Variants in DNAH14 observed in about 807,000 individuals in gnomAD.
The protein encoded by DNAH14 is axonemal beta dynein heavy chain 14.
Under a neutral mutation model 520.9 loss-of-function variants are expected in DNAH14, and 478 were observed. That is an observed-to-expected ratio of 0.92 (90% CI 0.85 to 0.99). The LOEUF (loss-of-function observed/expected upper bound fraction) is 0.99, where lower values mean the gene tolerates loss of function less well. DNAH14 is among the 50% of genes least tolerant of loss of function. The pLI, the probability that DNAH14 is intolerant of heterozygous loss-of-function variation, is 0.00. For synonymous variants in DNAH14, 1,581 were observed against 1,757.2 expected (o/e 0.90, Z 2.51); for missense variants, 4,831 against 5,234.5 (o/e 0.92, Z 2.38).
chr1:224,987,669 C>T (rs533183814), intron 8 of DNAH14, among the ~76,000 whole-genome samples: 8 of 152,260 alleles, frequency 5.3e-5, no homozygotes, highest in South Asian at 2.1e-4. Context: ...CACTGTCACC[C>T]GGGCTGGTGT....
At chr1:225,155,271 C>G (rs2080913339) in intron 34 of DNAH14, among the ~76,000 whole-genome samples, 2 of 151,938 alleles carry the variant, frequency 1.3e-5, no homozygotes, top group South Asian at 4.2e-4. Context: ...GAATATGTTG[C>G]AAAAGGATCT....
intron 41 of DNAH14, among the ~76,000 whole-genome samples, chr1:225,213,045 T>A (rs190632578): frequency 3.5e-4 from 53 of 152,352 alleles, no homozygotes; most frequent in Middle Eastern, 3.4e-3. Context: ...GTTTTAGGTC[T>A]AACATTTAAG....
chr1:225,271,633 G>A (rs1314988382), intron 50 of DNAH14, among the ~76,000 whole-genome samples: 1 of 152,154 alleles, frequency 6.6e-6, no homozygotes, highest in East Asian at 1.9e-4. Flanking sequence ...TATATACAGA[G>A]GTGAAGCATA....
intron 7 of DNAH14, among the ~76,000 whole-genome samples, chr1:224,970,242 G>A (rs992164022): frequency 2.0e-5 from 3 of 152,044 alleles, no homozygotes; most frequent in African/African-American, 4.8e-5. Context: ...GTCCCGTAAC[G>A]CTCCCAGGCT....
intron 1 of DNAH14, among the ~76,000 whole-genome samples, chr1:224,945,257 G>T (rs1185593276): frequency 6.6e-6 from 1 of 151,546 alleles, no homozygotes; most frequent in Non-Finnish European, 1.5e-5. Context: ...CTTCCATCAC[G>T]GATACTCTTC....
intron 78 of DNAH14, among the ~76,000 whole-genome samples, chr1:225,375,193 T>C (rs977211800): frequency 1.3e-5 from 2 of 152,188 alleles, no homozygotes; most frequent in African/African-American, 4.8e-5. Flanking sequence ...ATGTTTCTCA[T>C]TTAATGCTCA....
intron 76 of DNAH14, among the ~76,000 whole-genome samples, chr1:225,365,236 C>A (rs537463484): frequency 6.6e-6 from 1 of 152,286 alleles, no homozygotes; most frequent in South Asian, 2.1e-4. Flanking sequence ...ATTATTAATT[C>A]TCTAGAAAGG....
At chr1:224,941,391 T>C (rs1198814276) in intron 1 of DNAH14, among the ~76,000 whole-genome samples, 4 of 152,210 alleles carry the variant, frequency 2.6e-5, no homozygotes, top group African/African-American at 9.6e-5. Flanking sequence ...GTAAATTTGT[T>C]TGACTTCATT....
rs1487451101 is a variant in DNAH14 at position 225,007,407 on chromosome 1, A to G, written c.976-6A>G. ...TAACACTGAACATTTACTATCATCT[A>G]ATTAGCTGGATAGTTCTCGAACATA... On this transcript the variant is annotated splice_region_variant and splice_polypyrimidine_tract_variant and intron_variant, in intron 9 of 85. Coordinates refer to ENST00000682510, the MANE Select transcript of DNAH14 (RefSeq NM_001367479.1). 3.3e-6 allele frequency: 5 copies of G among 1,514,964 alleles called. No homozygotes were observed. The highest frequency in any genetic ancestry group is 2.2e-5 in the Admixed American group (1 of 46,230). The allele number at this position is 1,514,964 out of a possible 1,614,324, so 93.8% of individuals were successfully genotyped here.
intron 8 of DNAH14, among the ~76,000 whole-genome samples, chr1:224,984,817 A>G (rs1468713375): frequency 6.6e-6 from 1 of 152,230 alleles, no homozygotes; most frequent in Non-Finnish European, 1.5e-5. Context: ...GGACATAAAT[A>G]GAAAATTCTC....
At chr1:225,010,505 T>C (rs572018976) in intron 10 of DNAH14, among the ~76,000 whole-genome samples, 1 of 152,300 alleles carries the variant, frequency 6.6e-6, no homozygotes, top group East Asian at 1.9e-4. Context: ...GCCAATATTT[T>C]ATTGAGGATT....
At chr1:224,960,049 A>G in intron 3 of DNAH14, 104 bp from the exon 4 acceptor site, 1 of 1,162,216 alleles carries the variant, frequency 8.6e-7, no homozygotes. Context: ...ACCATGCTAT[A>G]CTGCCTTATA....
At chr1:225,006,346 A>G (rs933296458) in intron 9 of DNAH14, among the ~76,000 whole-genome samples, 1 of 152,216 alleles carries the variant, frequency 6.6e-6, no homozygotes, top group East Asian at 1.9e-4. Context: ...AATGATTTTC[A>G]GGAAACAAGG....
chr1:225,061,205 C>T (rs900901529), intron 17 of DNAH14, among the ~76,000 whole-genome samples: 19 of 152,298 alleles, frequency 1.2e-4, no homozygotes, highest in Non-Finnish European at 1.9e-4. Flanking sequence ...ACTCAAGCCT[C>T]GGCAATGGCA....
At chr1:224,984,077 A>G (rs2062455463) in intron 8 of DNAH14, among the ~76,000 whole-genome samples, 1 of 152,214 alleles carries the variant, frequency 6.6e-6, no homozygotes, top group African/African-American at 2.4e-5. Context: ...AAGAGTCTGC[A>G]TAGCCAAAGC....
intron 83 of DNAH14, among the ~76,000 whole-genome samples, chr1:225,391,122 G>A (rs2095905160): frequency 6.6e-6 from 1 of 152,214 alleles, no homozygotes; most frequent in South Asian, 2.1e-4. Flanking sequence ...GGAGAATGAT[G>A]CCGCTGCAAA....
chr1:225,019,996 A>T (rs1327372694), intron 10 of DNAH14, among the ~76,000 whole-genome samples: 1 of 152,136 alleles, frequency 6.6e-6, no homozygotes, highest in Admixed American at 6.6e-5. Flanking sequence ...GAAAAAAAGA[A>T]ATTACAAAAA....
chr1:225,307,746 GAGA>G (rs1308668777), intron 59 of DNAH14, among the ~76,000 whole-genome samples, 177 bp downstream of exon 59: 1 of 152,078 alleles, frequency 6.6e-6, no homozygotes, highest in Admixed American at 6.6e-5. Context: ...TCTGTAAAAT[GAGA>G]AGAACAAAAA....
chr1:225,324,697 G>A (rs921944482), intron 63 of DNAH14, 40 bp from the exon 64 acceptor site: 18 of 1,487,720 alleles, frequency 1.2e-5, no homozygotes, highest in South Asian at 6.3e-5. Flanking sequence ...CAGTAAACCC[G>A]ACGTTTTTGA....
Sources: gnomAD v4.1 joint callset for allele counts (sites outside exome capture counted in the v4.1 genomes callset) on GRCh38, gnomAD v4.1.1 for gene constraint, MANE v1.5 for transcripts, NCBI Gene and HGNC (gene_info 2026-07-23, HGNC 2026-07-21) for gene names.